TMEM178B: variants seen among roughly 807,000 people sequenced by gnomAD.
TMEM178B encodes the protein transmembrane protein 178B.
TMEM178B carries 5 observed loss-of-function variants against 31.0 expected under a neutral mutation model. The ratio of observed to expected loss-of-function variants is 0.16; its 90% confidence interval spans 0.08 to 0.34. The LOEUF is 0.34. Ranked by LOEUF, TMEM178B falls within the 10% of genes least tolerant of loss-of-function variation. The pLI is 1.00. For missense variants in TMEM178B, 275 were observed against 400.3 expected (o/e 0.69, Z 2.67); for synonymous variants, 164 against 164.0 (o/e 1.00, Z 0.00).
rs60100890 is a variant in TMEM178B, at chr7:141,478,840, T to TG, written c.*8062dup. 7,595 of 151,902 alleles carry TG rather than the reference T, an allele frequency of 0.05. 653 individuals carry two copies. Among genetic ancestry groups the TG allele is most frequent in the African/African-American group, 0.17 (7,074 of 41,178 alleles). The allele number at this position is 151,902 out of a possible 1,614,324, so 9.4% of individuals were successfully genotyped here. A position where few individuals can be genotyped will look rare whatever the true frequency, so the allele number is the denominator to read the frequency against. On this transcript the variant is annotated 3_prime_UTR_variant, in exon 4 of 4. Transcript: ENST00000565468. ...CTTAGGTTCTTCATTAGGAGACTGA[T>TG]GGGGGGGGTCCTTCCTGGTGGGTCA...
chr7:141,192,520 A>C (rs1177772717), intron 1 of TMEM178B, among the ~76,000 whole-genome samples: 1 of 147,024 alleles, frequency 6.8e-6, no homozygotes, highest in African/African-American at 2.5e-5. Flanking sequence ...ACAGAGTCTC[A>C]CTCTGTCGCC....
At chr7:141,152,366 C>T (rs1203061850) in intron 1 of TMEM178B, among the ~76,000 whole-genome samples, 1 of 152,182 alleles carries the variant, frequency 6.6e-6, no homozygotes, top group Non-Finnish European at 1.5e-5. Context: ...GGAAGGGCCT[C>T]AGAGTTCTGA....
At chr7:141,075,706 C>T (rs970413785) in intron 1 of TMEM178B, among the ~76,000 whole-genome samples, 4 of 152,118 alleles carry the variant, frequency 2.6e-5, no homozygotes, top group African/African-American at 9.7e-5. Flanking sequence ...TTTTTTTCCC[C>T]TTGTGTTTCA....
At chr7:141,336,913 C>T (rs1420808561) in intron 2 of TMEM178B, among the ~76,000 whole-genome samples, 1 of 81,632 alleles carries the variant, frequency 1.2e-5, no homozygotes, top group Non-Finnish European at 2.5e-5. Flanking sequence ...CCATCATCAC[C>T]ACCACCACCA....
chr7:141,322,161 A>G, intron 2 of TMEM178B, among the ~76,000 whole-genome samples: 1 of 152,092 alleles, frequency 6.6e-6, no homozygotes. Flanking sequence ...TTTTGTTGTT[A>G]TCATTAACAA....
At chr7:141,301,324 G>T (rs1436211119) in intron 2 of TMEM178B, among the ~76,000 whole-genome samples, 1 of 152,162 alleles carries the variant, frequency 6.6e-6, no homozygotes, top group Admixed American at 6.5e-5. Flanking sequence ...TAATAAACAT[G>T]CACAATATAT....
intron 2 of TMEM178B, among the ~76,000 whole-genome samples, chr7:141,324,113 G>A (rs1171648670): frequency 6.6e-6 from 1 of 152,160 alleles, no homozygotes; most frequent in African/African-American, 2.4e-5. Context: ...TGTAAGAAAC[G>A]TAGGGGGGAA....
At chr7:141,280,018 A>G (rs1798329701) in intron 2 of TMEM178B, among the ~76,000 whole-genome samples, 1 of 152,234 alleles carries the variant, frequency 6.6e-6, no homozygotes, top group Non-Finnish European at 1.5e-5. Context: ...GAGAGGGGCA[A>G]GGGTAGGGTA....
At chr7:141,341,811 C>A (rs1271819638) in intron 2 of TMEM178B, among the ~76,000 whole-genome samples, 1 of 152,186 alleles carries the variant, frequency 6.6e-6, no homozygotes, top group Non-Finnish European at 1.5e-5. Context: ...TCTTCCCTGG[C>A]CTTTCCATTA....
In TMEM178B at chr7:141,100,645, T is replaced by C. The variant is rs935599452; in HGVS notation, c.382+25953T>C. Reference sequence around the variant, plus strand: ...TGCTTCATCAAATATTAAATAGAAATTATTTTTAGACTCTTTGCTCTGAGG... The same window carrying C: ...TGCTTCATCAAATATTAAATAGAAACTATTTTTAGACTCTTTGCTCTGAGG... On this transcript the variant is annotated intron_variant, in intron 1 of 3. Transcript: ENST00000565468. Among the ~76,000 whole-genome samples the C allele has an allele frequency of 5.9e-5, 9 of 152,326 alleles. No individual in the cohort carries two copies. In the South Asian group the frequency reaches 1.9e-3, roughly 32 times the overall value.
At chr7:141,303,868 T>A (rs1798768657) in intron 2 of TMEM178B, among the ~76,000 whole-genome samples, 1 of 152,204 alleles carries the variant, frequency 6.6e-6, no homozygotes, top group African/African-American at 2.4e-5. Context: ...CTATGCAAAG[T>A]GCATGCAACA....
chr7:141,224,791 G>A (rs1277123527), intron 2 of TMEM178B, among the ~76,000 whole-genome samples: 1 of 152,212 alleles, frequency 6.6e-6, no homozygotes, highest in Non-Finnish European at 1.5e-5. Context: ...GGATGTGGGT[G>A]CGATGACACC....
intron 1 of TMEM178B, among the ~76,000 whole-genome samples, chr7:141,091,991 G>A (rs895681819): frequency 5.3e-5 from 8 of 152,182 alleles, no homozygotes; most frequent in African/African-American, 1.9e-4. Context: ...GCCTCCCAAA[G>A]TGCTGGGATT....
intron 3 of TMEM178B, among the ~76,000 whole-genome samples, chr7:141,448,265 A>G (rs896094259): frequency 1.4e-4 from 22 of 152,152 alleles, no homozygotes; most frequent in Non-Finnish European, 2.9e-4. Flanking sequence ...CAGGGCCTCC[A>G]GGGGAGGGAG....
chr7:141,409,157 G>C (rs977884720), intron 2 of TMEM178B, among the ~76,000 whole-genome samples: 1 of 152,114 alleles, frequency 6.6e-6, no homozygotes, highest in African/African-American at 2.4e-5. Flanking sequence ...GCAGAGACTC[G>C]ATGCACGTAC....
At chr7:141,406,616 T>G (rs768519872) in intron 2 of TMEM178B, among the ~76,000 whole-genome samples, 20 of 152,266 alleles carry the variant, frequency 1.3e-4, no homozygotes, top group Non-Finnish European at 2.9e-4. Flanking sequence ...TGTGACTAAC[T>G]CCTAGAAAGA....
intron 2 of TMEM178B, among the ~76,000 whole-genome samples, chr7:141,289,506 A>AG (rs1350248280): frequency 6.6e-6 from 1 of 152,160 alleles, no homozygotes; most frequent in African/African-American, 2.4e-5. Flanking sequence ...ACATGAGGTC[A>AG]GGAGTTTGAG....
chr7:141,273,823 A>G (rs1798224320), intron 2 of TMEM178B, among the ~76,000 whole-genome samples: 1 of 152,078 alleles, frequency 6.6e-6, no homozygotes, highest in African/African-American at 2.4e-5. Flanking sequence ...TGATCTCTGG[A>G]CTTCTAGTTC....
intron 2 of TMEM178B, among the ~76,000 whole-genome samples, chr7:141,306,646 TG>T (rs1447730407): frequency 6.6e-6 from 1 of 151,630 alleles, no homozygotes; most frequent in East Asian, 1.9e-4. Context: ...CTGGTCTCTC[TG>T]GTCTCCTTAA....
Sources: gnomAD v4.1 joint callset for allele counts (sites outside exome capture counted in the v4.1 genomes callset) on GRCh38, gnomAD v4.1.1 for gene constraint, MANE v1.5 for transcripts, NCBI Gene and HGNC (gene_info 2026-07-23, HGNC 2026-07-21) for gene names.